Variants in RPS6KA6 observed in about 807,000 individuals in gnomAD.
RPS6KA6 encodes the protein ribosomal protein S6 kinase A6, also known as ribosomal protein S6 kinase alpha-6.
RPS6KA6 carries 27 observed loss-of-function variants against 65.4 expected under a neutral mutation model. That is an observed-to-expected ratio of 0.41 (90% CI 0.30 to 0.57). The LOEUF is 0.57. Ranked by LOEUF, RPS6KA6 falls within the 20% of genes least tolerant of loss-of-function variation. The pLI is 0.24. For missense variants in RPS6KA6, 486 were observed against 555.6 expected, an observed-to-expected ratio of 0.87 and a Z score of 1.26; for synonymous variants, 190 against 184.2, an observed-to-expected ratio of 1.03 and a Z score of -0.26.
At chrX:84,094,071 T>C (rs2034100914) in intron 20 of RPS6KA6, among the ~76,000 whole-genome samples, 1 of 110,539 alleles carries the variant, frequency 9.0e-6, no homozygotes, top group African/African-American at 3.3e-5. Context: ...TTGTTTTGCA[T>C]AGGGATTACT....
chrX:84,150,457 C>A (rs2035280087), intron 3 of RPS6KA6, among the ~76,000 whole-genome samples: 2 of 111,016 alleles, frequency 1.8e-5, no homozygotes, highest in South Asian at 7.6e-4. Context: ...TTTAAAGTGA[C>A]AAATGCAGAA....
intron 8 of RPS6KA6, among the ~76,000 whole-genome samples, chrX:84,131,773 C>CT (rs1232517117): frequency 8.9e-6 from 1 of 111,830 alleles, no homozygotes; most frequent in African/African-American, 3.2e-5. Flanking sequence ...TTCCAAATCA[C>CT]TAATTTGAAA....
At chrX:84,150,834 G>GAATATATATA (rs1569235370) in intron 3 of RPS6KA6, among the ~76,000 whole-genome samples, 4 of 97,215 alleles carry the variant, frequency 4.1e-5, no homozygotes, top group Non-Finnish European at 8.1e-5. Flanking sequence ...TATATAGAGA[G>GAATATATATA]GATATATATA....
rs1391374956 is a variant in RPS6KA6 at position 84,063,823 on chromosome X, T to C, written c.*454A>G. 8.9e-6 allele frequency: 1 copy of C among 112,289 alleles called. No individual in the cohort carries two copies. Among genetic ancestry groups the C allele is most frequent in the Non-Finnish European group, 1.9e-5 (1 of 53,405 alleles). The allele number at this position is 112,289 out of a possible 1,213,427, so 9.3% of individuals were successfully genotyped here. On this transcript the variant is annotated 3_prime_UTR_variant, in exon 22 of 22. Coordinates refer to ENST00000262752, the MANE Select transcript of RPS6KA6 (RefSeq NM_014496.5). ...TTTACGGAATAACAAGCTTTTATAA[T>C]AAGTTTTTGTTGTTTTTCTTTCATT...
intron 1 of RPS6KA6, among the ~76,000 whole-genome samples, chrX:84,176,502 A>G (rs2035771552): frequency 8.9e-6 from 1 of 112,011 alleles, no homozygotes; most frequent in African/African-American, 3.2e-5. Flanking sequence ...ACTGAGTTAT[A>G]TATCAGGGTT....
intron 6 of RPS6KA6, among the ~76,000 whole-genome samples, chrX:84,144,909 CAA>C (rs767656624): frequency 1.8e-5 from 2 of 109,379 alleles, no homozygotes; most frequent in Non-Finnish European, 1.9e-5. Context: ...TTAAGCCAGA[CAA>C]AAAAAATGAA....
At chrX:84,109,798 G>A (rs921885020) in intron 12 of RPS6KA6, among the ~76,000 whole-genome samples, 1 of 110,575 alleles carries the variant, frequency 9.0e-6, no homozygotes. Context: ...AAGTCCACTG[G>A]CCTGGTCCTG....
chrX:84,139,672 C>T (rs2035061392), intron 6 of RPS6KA6, among the ~76,000 whole-genome samples: 1 of 111,835 alleles, frequency 8.9e-6, no homozygotes, highest in South Asian at 3.7e-4. Flanking sequence ...ACTACTATCA[C>T]CCAATTAAAA....
At chrX:84,139,799 T>C (rs1407070362) in intron 6 of RPS6KA6, among the ~76,000 whole-genome samples, 9 of 112,158 alleles carry the variant, frequency 8.0e-5, no homozygotes, top group African/African-American at 1.9e-4. Flanking sequence ...TTTTAAGACA[T>C]TGGACATCAG....
At chrX:84,138,380 C>T (rs900170133) in intron 6 of RPS6KA6, among the ~76,000 whole-genome samples, 2 of 107,404 alleles carry the variant, frequency 1.9e-5, no homozygotes, top group African/African-American at 3.4e-5. Flanking sequence ...TAGCAAGATC[C>T]CATCTCTACT....
At chrX:84,160,551 C>A (rs752714136) in intron 2 of RPS6KA6, among the ~76,000 whole-genome samples, 10 of 111,394 alleles carry the variant, frequency 9.0e-5, no homozygotes, top group Admixed American at 7.6e-4. Flanking sequence ...CAAATCAAAA[C>A]AAAAGAAGTA....
At chrX:84,177,669 A>G (rs143068258) in intron 1 of RPS6KA6, among the ~76,000 whole-genome samples, 34 of 112,643 alleles carry the variant, frequency 3.0e-4, no homozygotes, top group African/African-American at 1.0e-3. Context: ...ATAGGAAGAC[A>G]TGAGGCACTG....
In RPS6KA6 at chrX:84,148,031, T is replaced by C; in HGVS notation, c.340+11A>G. 9.3e-7 allele frequency: 1 copy of C among 1,080,565 alleles called. No homozygotes were observed. The highest frequency in any genetic ancestry group is 1.3e-6 in the Non-Finnish European group (1 of 795,562). The allele number at this position is 1,080,565 out of a possible 1,213,427, so 89.1% of individuals were successfully genotyped here. A position where few individuals can be genotyped will look rare whatever the true frequency, so the allele number is the denominator to read the frequency against. On this transcript the variant is annotated intron_variant, in intron 4 of 21. Transcript: ENST00000262752. ...TCAAATTCTATTTTAATAAACTTTCTAATTTTCTACCTTTTAAAGAGGCTT... is the reference window on the plus strand; with the variant it reads ...TCAAATTCTATTTTAATAAACTTTCCAATTTTCTACCTTTTAAAGAGGCTT...
rs908466691 is a variant in RPS6KA6 at position 84,092,606 on chromosome X, G to A, written c.1971+3588C>T. Among the ~76,000 whole-genome samples the A allele has an allele frequency of 5.2e-4, 56 of 107,834 alleles. 1 individual carries two copies. The highest frequency in any genetic ancestry group is 9.9e-5 in the Admixed American group (1 of 10,071). The allele number at this position is 107,834 out of a possible 115,157, so 93.6% of individuals were successfully genotyped here. A position where few individuals can be genotyped will look rare whatever the true frequency, so the allele number is the denominator to read the frequency against. ...CACTGCACTGCAGCCTGGCGACAGA[G>A]TGAGACTCCGTATCAAAAAAAAAAA... On this transcript the variant is annotated intron_variant, in intron 20 of 21. Coordinates refer to ENST00000262752, the MANE Select transcript of RPS6KA6 (RefSeq NM_014496.5).
At chrX:84,105,749 C>T (rs769512803) in intron 16 of RPS6KA6, 38 bp downstream of exon 16, 4 of 792,378 alleles carry the variant, frequency 5.0e-6, no homozygotes, top group Non-Finnish European at 7.4e-6. Flanking sequence ...TTCATAACTT[C>T]ATTAGCTTAG....
intron 20 of RPS6KA6, among the ~76,000 whole-genome samples, chrX:84,065,412 G>GCT (rs2033378300): frequency 9.0e-6 from 1 of 111,695 alleles, no homozygotes; most frequent in South Asian, 3.7e-4. Context: ...CCTGGAATAT[G>GCT]CTAAATGTTC....
intron 1 of RPS6KA6, among the ~76,000 whole-genome samples, chrX:84,171,083 G>A (rs2035675923): frequency 9.0e-6 from 1 of 111,217 alleles, no homozygotes; most frequent in Non-Finnish European, 1.9e-5. Flanking sequence ...CACAAGGAAA[G>A]GAACTCTACC....
At chrX:84,071,884 G>A (rs2033550335) in intron 20 of RPS6KA6, among the ~76,000 whole-genome samples, 1 of 111,455 alleles carries the variant, frequency 9.0e-6, no homozygotes, top group African/African-American at 3.3e-5. Flanking sequence ...AAAATTGAAT[G>A]GACAAAATAG....
intron 1 of RPS6KA6, among the ~76,000 whole-genome samples, chrX:84,171,716 A>T (rs962352116): frequency 3.6e-5 from 4 of 111,487 alleles, no homozygotes; most frequent in African/African-American, 1.3e-4. Context: ...ATGAACGTGC[A>T]GGTTTGTTAC....
Sources: allele counts gnomAD v4.1 joint callset (sites outside exome capture counted in the v4.1 genomes callset), GRCh38; gene constraint gnomAD v4.1.1; transcripts MANE v1.5; gene names NCBI Gene and HGNC (gene_info 2026-07-23, HGNC 2026-07-21).